Variants in SH3GL1 observed in about 807,000 individuals in gnomAD.
SH3GL1 encodes endophilin-A2.
In SH3GL1, 21 loss-of-function variants were observed where a neutral mutation model predicts 48.8. That is an observed-to-expected ratio of 0.43 (90% confidence interval 0.30 to 0.62). The LOEUF is 0.62. Among genes scored for constraint, SH3GL1 ranks in the 20% least tolerant of loss-of-function variants. The pLI is 0.11. For missense variants in SH3GL1, 454 were observed against 503.0 expected, an observed-to-expected ratio of 0.90 and a Z score of 0.93; for synonymous variants, 282 against 217.5, an observed-to-expected ratio of 1.30 and a Z score of -2.61.
At chr19:4,392,361 T>C (rs1973352291) in intron 1 of SH3GL1, among the ~76,000 whole-genome samples, 1 of 151,822 alleles carries the variant, frequency 6.6e-6, no homozygotes, top group African/African-American at 2.4e-5. Flanking sequence ...CTGTGTCCAC[T>C]AAAAATACAA....
chr19:4,363,244 C>T, intron 7 of SH3GL1, 126 bp downstream of exon 7: 1 of 772,986 alleles, frequency 1.3e-6, no homozygotes, highest in South Asian at 1.7e-5. Context: ...TCCACTCAGT[C>T]CCCAGGAAGA....
chr19:4,371,633 C>A (rs774319585), intron 1 of SH3GL1, among the ~76,000 whole-genome samples: 2 of 152,190 alleles, frequency 1.3e-5, no homozygotes, highest in African/African-American at 4.8e-5. Flanking sequence ...TGCAGGGATG[C>A]GCCACATTTG....
intron 4 of SH3GL1, 142 bp from the exon 5 acceptor site, chr19:4,364,363 G>A (rs1972713795): frequency 2.8e-6 from 3 of 1,083,308 alleles, no homozygotes; most frequent in Admixed American, 2.0e-5. Context: ...GCCTCAAACT[G>A]GGCTCAAGCC....
intron 1 of SH3GL1, among the ~76,000 whole-genome samples, chr19:4,397,891 G>T (rs1245219434): frequency 6.6e-6 from 1 of 152,140 alleles, no homozygotes; most frequent in Non-Finnish European, 1.5e-5. Context: ...TTGCTGCCCA[G>T]GCTGAAGTGC....
intron 4 of SH3GL1, chr19:4,364,557 A>C: frequency 3.1e-6 from 1 of 327,780 alleles, no homozygotes; most frequent in Non-Finnish European, 5.8e-6. Context: ...CAGCCTCCTG[A>C]GTAAGGGGGA....
intron 1 of SH3GL1, among the ~76,000 whole-genome samples, chr19:4,392,046 G>T (rs1973347222): frequency 6.6e-6 from 1 of 152,204 alleles, no homozygotes; most frequent in African/African-American, 2.4e-5. Flanking sequence ...CCCCGAGGGA[G>T]AGGGGGCTTC....
intron 1 of SH3GL1, among the ~76,000 whole-genome samples, chr19:4,370,271 G>A (rs1972871178): frequency 6.6e-6 from 1 of 152,236 alleles, no homozygotes; most frequent in East Asian, 1.9e-4. Flanking sequence ...GTCCATTCCT[G>A]CCGAGGGAGA....
intron 1 of SH3GL1, among the ~76,000 whole-genome samples, chr19:4,373,148 C>T (rs1417600703): frequency 1.3e-5 from 2 of 152,202 alleles, no homozygotes; most frequent in African/African-American, 4.8e-5. Flanking sequence ...CACAGGAGCA[C>T]CACAGGTGCC....
intron 1 of SH3GL1, among the ~76,000 whole-genome samples, chr19:4,391,668 C>T (rs1973339391): frequency 1.3e-5 from 2 of 152,204 alleles, no homozygotes; most frequent in Non-Finnish European, 2.9e-5. Flanking sequence ...GCCAGGTGAG[C>T]CAGGTTTCAC....
In SH3GL1 at chr19:4,393,824, TAAATAA is replaced by T. The variant is rs930115959; in HGVS notation, c.45+6494_45+6499del. Among the ~76,000 whole-genome samples the T allele has an allele frequency of 2.0e-3, 303 of 151,726 alleles. 1 individual carries two copies. Among genetic ancestry groups the T allele is most frequent in the African/African-American group, 7.0e-3 (290 of 41,368 alleles). On this transcript the variant is annotated intron_variant, in intron 1 of 9. Transcript: ENST00000269886. ...AAAAATTAATATTAAAATTTAAAAATAAATAAAAATAAAAATAGGTCAGAACAAGCA... is the reference window on the plus strand; with the variant it reads ...AAAAATTAATATTAAAATTTAAAAATAAATAAAAATAGGTCAGAACAAGCA...
intron 6 of SH3GL1, 104 bp from the exon 7 acceptor site, chr19:4,363,577 CAG>C (rs1355112569): frequency 5.4e-5 from 79 of 1,450,336 alleles, no homozygotes; most frequent in Non-Finnish European, 7.1e-5. Context: ...TGAGAGGGGA[CAG>C]GGGACTGGGG....
intron 8 of SH3GL1, 90 bp downstream of exon 8, chr19:4,362,522 C>G (rs1405399137): frequency 6.3e-7 from 1 of 1,592,886 alleles, no homozygotes; most frequent in East Asian, 2.3e-5. Context: ...ACCCAGGAGT[C>G]TGGCGCTCAG....
chr19:4,363,170 G>A lies in SH3GL1; in HGVS notation c.728+200C>T, dbSNP rs371327295. ...TCCCCGGGGCCTGCATCGGGGCAGG[G>A]CTGGGTGTTGACTCAGAGTTCTCAG... On this transcript the variant is annotated intron_variant, in intron 7 of 9. Coordinates refer to ENST00000269886, the MANE Select transcript of SH3GL1 (RefSeq NM_003025.4). Among the ~76,000 whole-genome samples, 14 of 152,302 alleles carry A rather than the reference G, an allele frequency of 9.2e-5. No individual in the cohort carries two copies. The East Asian group carries it at 2.7e-3, about 29-fold the overall frequency.
rs1199374026 is a variant in SH3GL1 at position 4,400,378 on chromosome 19, C to T, written c.-10G>A. 1.3e-6 allele frequency: 2 copies of T among 1,585,702 alleles called. No individual in the cohort carries two copies. The highest frequency in any genetic ancestry group is 1.4e-5 in the African/African-American group (1 of 71,318). ...GCCCCGCCACCGACATGCTGCCGCC[C>T]GCCGCCGAGCCTCCCGCCCGGACCG... is the stretch of plus-strand genomic sequence containing the variant. On this transcript the variant is annotated 5_prime_UTR_variant, in exon 1 of 10. Coordinates refer to ENST00000269886, the MANE Select transcript of SH3GL1 (RefSeq NM_003025.4). The surrounding 1 kb of genome is among the most constrained non-coding windows in gnomAD (Gnocchi z 4.1).
At chr19:4,363,096 G>A (rs1032000093) in intron 7 of SH3GL1, among the ~76,000 whole-genome samples, 4 of 152,198 alleles carry the variant, frequency 2.6e-5, no homozygotes, top group African/African-American at 9.7e-5. Flanking sequence ...TTCAGGGAGG[G>A]GAGCCTGGGT....
chr19:4,386,670 TG>T (rs764462409), intron 1 of SH3GL1, among the ~76,000 whole-genome samples: 1 of 151,640 alleles, frequency 6.6e-6, no homozygotes, highest in Non-Finnish European at 1.5e-5. Flanking sequence ...TGCTGACTGC[TG>T]GGTCTCCAGC....
Position 4,363,888 on chromosome 19 carries a change from T to TG in SH3GL1, c.466-11dup. On this transcript the variant is annotated splice_polypyrimidine_tract_variant and intron_variant, in intron 5 of 9. Transcript: ENST00000269886. ...GTTTCTTCAGGTGGTGCTGGAGACGTGGGGGACATGGGTCACACCAGTAGC... is the reference window on the plus strand; with the variant it reads ...GTTTCTTCAGGTGGTGCTGGAGACGTGGGGGGACATGGGTCACACCAGTAGC... 2.5e-6 allele frequency: 4 copies of TG among 1,611,776 alleles called. No homozygotes were observed. The highest frequency in any genetic ancestry group is 3.4e-6 in the Non-Finnish European group (4 of 1,179,964).
At chr19:4,394,943 A>G (rs1973399451) in intron 1 of SH3GL1, among the ~76,000 whole-genome samples, 1 of 152,226 alleles carries the variant, frequency 6.6e-6, no homozygotes, top group African/African-American at 2.4e-5. Flanking sequence ...CAAAGTTGCG[A>G]TAACAACTGT....
intron 1 of SH3GL1, among the ~76,000 whole-genome samples, chr19:4,387,756 T>C (rs893551543): frequency 1.3e-5 from 2 of 152,220 alleles, no homozygotes; most frequent in African/African-American, 4.8e-5. Context: ...CTATCTTGGC[T>C]CAAGGCAACC....
Sources: gnomAD v4.1 joint callset for allele counts (sites outside exome capture counted in the v4.1 genomes callset) on GRCh38, gnomAD v4.1.1 for gene constraint, Gnocchi (gnomAD v3.1) non-coding constraint, MANE v1.5 for transcripts, NCBI Gene and HGNC (gene_info 2026-07-23, HGNC 2026-07-21) for gene names.